The following DLG2 variants were observed in gnomAD, a reference collection of about 807,000 sequenced individuals.
DLG2 encodes the protein disks large homolog 2.
DLG2 carries 45 observed loss-of-function variants against 132.5 expected under a neutral mutation model. That is an observed-to-expected ratio of 0.34 (90% CI 0.27 to 0.44). The LOEUF is 0.44. Among genes scored for constraint, DLG2 ranks in the 20% least tolerant of loss-of-function variants. The pLI, the probability that DLG2 is intolerant of heterozygous loss-of-function variation, is 1.00. For missense variants in DLG2, 1,045 were observed against 1,196.9 expected, an observed-to-expected ratio of 0.87 and a Z score of 1.87; for synonymous variants, 424 against 419.6, an observed-to-expected ratio of 1.01 and a Z score of -0.13.
chr11:83,725,993 C>T (rs1052118465), intron 18 of DLG2, among the ~76,000 whole-genome samples: 2 of 151,994 alleles, frequency 1.3e-5, no homozygotes, highest in Non-Finnish European at 2.9e-5. Context: ...CACTTTATAA[C>T]ACTTAAAGAG....
chr11:84,188,508 G>A (rs1364017864), intron 8 of DLG2, among the ~76,000 whole-genome samples: 2 of 152,102 alleles, frequency 1.3e-5, no homozygotes, highest in African/African-American at 4.8e-5. Flanking sequence ...AGTTGAGCAA[G>A]CATTCTTGTT....
At chr11:85,299,757 T>C (rs2079469459) in intron 3 of DLG2, among the ~76,000 whole-genome samples, 1 of 152,180 alleles carries the variant, frequency 6.6e-6, no homozygotes, top group Non-Finnish European at 1.5e-5. Flanking sequence ...TAGTCTAGGG[T>C]AGGGCCTAGA....
chr11:84,792,966 G>C (rs2074075187), intron 6 of DLG2, among the ~76,000 whole-genome samples: 1 of 151,734 alleles, frequency 6.6e-6, no homozygotes, highest in Non-Finnish European at 1.5e-5. Context: ...TTTTGGGTTT[G>C]GTCTGCTCTT....
At chr11:83,867,852 G>C (rs1255288663) in intron 16 of DLG2, among the ~76,000 whole-genome samples, 1 of 152,086 alleles carries the variant, frequency 6.6e-6, no homozygotes, top group East Asian at 1.9e-4. Flanking sequence ...ATAAATTTGG[G>C]AGACTCCTTA....
chr11:85,067,890 C>A (rs562425597), intron 6 of DLG2, among the ~76,000 whole-genome samples: 1 of 151,980 alleles, frequency 6.6e-6, no homozygotes, highest in Non-Finnish European at 1.5e-5. Context: ...AACATCGATG[C>A]AAAAATCTCC....
chr11:84,502,222 CCT>C (rs1491276783), intron 7 of DLG2, among the ~76,000 whole-genome samples: 603 of 12,796 alleles, frequency 0.047, 150 homozygotes, highest in African/African-American at 0.21. Context: ...TTCCTTCCTT[CCT>C]TCCTTCCTTC....
At chr11:85,562,497 A>T (rs1437387357) in intron 3 of DLG2, among the ~76,000 whole-genome samples, 2 of 151,786 alleles carry the variant, frequency 1.3e-5, no homozygotes, top group Non-Finnish European at 2.9e-5. Context: ...TTCAATTTGC[A>T]TATTAAAAAC....
At chr11:85,350,880 T>C (rs2083238337) in intron 3 of DLG2, among the ~76,000 whole-genome samples, 1 of 152,226 alleles carries the variant, frequency 6.6e-6, no homozygotes. Context: ...TAGGATTGTC[T>C]TGGCAATGCA....
chr11:84,513,517 C>T (rs1240385318), intron 7 of DLG2, among the ~76,000 whole-genome samples: 2 of 151,928 alleles, frequency 1.3e-5, no homozygotes, highest in Non-Finnish European at 2.9e-5. Context: ...GTACAGAGAA[C>T]CCAGAAACAA....
At chr11:83,691,099 T>C (rs2080915736) in intron 18 of DLG2, among the ~76,000 whole-genome samples, 1 of 152,190 alleles carries the variant, frequency 6.6e-6, no homozygotes, top group Admixed American at 6.5e-5. Context: ...CTCTAAGTCA[T>C]GGTTCCAATA....
At chr11:84,965,474 C>A (rs1453855069) in intron 6 of DLG2, among the ~76,000 whole-genome samples, 1 of 151,928 alleles carries the variant, frequency 6.6e-6, no homozygotes, top group Admixed American at 6.6e-5. Context: ...AGAAACTGTG[C>A]GGGACTTAAA....
At chr11:83,967,952 T>C (rs1395360660) in intron 12 of DLG2, among the ~76,000 whole-genome samples, 1 of 152,196 alleles carries the variant, frequency 6.6e-6, no homozygotes, top group African/African-American at 2.4e-5. Flanking sequence ...ATTTTCCCAG[T>C]ATCATTCATT....
chr11:84,094,471 T>G lies in DLG2; in HGVS notation c.749+4452A>C, dbSNP rs116726083. On this transcript the variant is annotated intron_variant, in intron 10 of 27. Transcript: ENST00000376104. ...TTAGTTTCTCTGTAAATGTTAGTGT[T>G]ATTTAACTGTCAAAAATATAATTTA... Among the ~76,000 whole-genome samples, 1,172 of 152,240 alleles carry G rather than the reference T, an allele frequency of 7.7e-3. 7 individuals carry two copies. The highest frequency in any genetic ancestry group is 0.027 in the African/African-American group (1,117 of 41,510).
At position 84,034,068 on chromosome 11, in the gene DLG2, C is replaced by T. The variant is rs145040652; in HGVS notation, c.919+25247G>A. On this transcript the variant is annotated intron_variant, in intron 11 of 27. Coordinates refer to ENST00000376104, the MANE Select transcript of DLG2 (RefSeq NM_001142699.3). Reference sequence around the variant, plus strand: ...TGCACTCCAGCCCGGGCAACAAGAGCGAAACTCGGTCTCAAAATAAATAAA... The same window carrying T: ...TGCACTCCAGCCCGGGCAACAAGAGTGAAACTCGGTCTCAAAATAAATAAA... 2.0e-3 allele frequency among the ~76,000 whole-genome samples: 299 copies of T among 151,640 alleles called. 3 individuals are homozygous for T. Among genetic ancestry groups the T allele is most frequent in the African/African-American group, 6.9e-3 (287 of 41,356 alleles).
At chr11:85,245,102 A>G (rs2076069850) in intron 4 of DLG2, among the ~76,000 whole-genome samples, 1 of 151,936 alleles carries the variant, frequency 6.6e-6, no homozygotes, top group Non-Finnish European at 1.5e-5. Flanking sequence ...GAAATTTCAG[A>G]ACACTATATT....
chr11:85,591,425 C>T (rs1280006306), intron 3 of DLG2, among the ~76,000 whole-genome samples: 1 of 152,150 alleles, frequency 6.6e-6, no homozygotes, highest in African/African-American at 2.4e-5. Context: ...TAATTTTCAA[C>T]ACTTCAAAAT....
At chr11:85,540,744 G>A (rs2075909103) in intron 3 of DLG2, among the ~76,000 whole-genome samples, 1 of 152,222 alleles carries the variant, frequency 6.6e-6, no homozygotes, top group Non-Finnish European at 1.5e-5. Context: ...GGGACTTCGG[G>A]AGCTATAAAC....
chr11:83,571,586 C>A (rs1300193877), intron 19 of DLG2, among the ~76,000 whole-genome samples: 1 of 123,946 alleles, frequency 8.1e-6, no homozygotes, highest in Non-Finnish European at 1.7e-5. Flanking sequence ...GAGCGAGACT[C>A]CGTCTCAAAA....
At chr11:84,280,823 G>A (rs1336457232) in intron 7 of DLG2, among the ~76,000 whole-genome samples, 7 of 147,954 alleles carry the variant, frequency 4.7e-5, no homozygotes, top group South Asian at 2.1e-4. Context: ...TCAGCCTCCC[G>A]AGTAGTAGCT....
Sources: gnomAD v4.1 joint callset for allele counts (sites outside exome capture counted in the v4.1 genomes callset) on GRCh38, gnomAD v4.1.1 for gene constraint, MANE v1.5 for transcripts, NCBI Gene and HGNC (gene_info 2026-07-23, HGNC 2026-07-21) for gene names.